TUB: variants seen among roughly 807,000 people sequenced by gnomAD.
TUB encodes the protein tubby protein homolog.
In TUB, 33 loss-of-function variants were observed where a neutral mutation model predicts 59.7. That is an observed-to-expected ratio of 0.55 (90% confidence interval 0.42 to 0.74). The LOEUF (loss-of-function observed/expected upper bound fraction) is 0.74. Among genes scored for constraint, TUB ranks in the 30% least tolerant of loss-of-function variants. The probability of loss-of-function intolerance (pLI) is 0.00; values close to 1 mark genes in which losing one functional copy is unlikely to be tolerated. For synonymous variants in TUB, 293 were observed against 256.4 expected, an observed-to-expected ratio of 1.14 and a Z score of -1.36; for missense variants, 659 against 672.0, an observed-to-expected ratio of 0.98 and a Z score of 0.21.
intron 2 of TUB, among the ~76,000 whole-genome samples, chr11:8,072,192 C>T (rs1250730468): frequency 4.6e-5 from 7 of 152,074 alleles, no homozygotes; most frequent in Non-Finnish European, 1.0e-4. Flanking sequence ...GGGTACTGCC[C>T]CACAGCCCCA....
chr11:8,049,606 C>G (rs1235224603), intron 2 of TUB, among the ~76,000 whole-genome samples: 7 of 125,786 alleles, frequency 5.6e-5, no homozygotes, highest in Non-Finnish European at 8.4e-5. Flanking sequence ...TAGATAGATA[C>G]ACACACACAT....
chr11:8,019,804 G>T (rs1049568894), intron 1 of TUB, among the ~76,000 whole-genome samples: 1 of 151,934 alleles, frequency 6.6e-6, no homozygotes, highest in East Asian at 1.9e-4. Flanking sequence ...CCCTCCGCAG[G>T]GACCGAGGCT....
chr11:8,057,623 ACCCT>A (rs1943040565), intron 2 of TUB, among the ~76,000 whole-genome samples: 2 of 93,226 alleles, frequency 2.1e-5, no homozygotes, highest in South Asian at 7.1e-4. Flanking sequence ...AGGGGTAATT[ACCCT>A]CCTTATCTTG....
intron 2 of TUB, among the ~76,000 whole-genome samples, chr11:8,073,880 C>G (rs1943400378): frequency 7.0e-6 from 1 of 143,028 alleles, no homozygotes; most frequent in Admixed American, 7.0e-5. Flanking sequence ...CAGCAAATGC[C>G]TCAGAATAGG....
chr11:8,053,456 C>T (rs564629011), intron 2 of TUB, among the ~76,000 whole-genome samples: 51 of 152,160 alleles, frequency 3.4e-4, no homozygotes, highest in African/African-American at 1.2e-3. Context: ...AGTGATTCCT[C>T]TAACTCAATA....
intron 1 of TUB, among the ~76,000 whole-genome samples, chr11:8,086,687 AC>A (rs1564915740): frequency 6.6e-6 from 1 of 151,490 alleles, no homozygotes; most frequent in Admixed American, 6.6e-5. Context: ...TTTAGTGTAG[AC>A]CCTCCTAGCT....
At chr11:8,089,809 C>T in intron 2 of TUB, 148 bp downstream of exon 2, 1 of 1,148,768 alleles carries the variant, frequency 8.7e-7, no homozygotes, top group Non-Finnish European at 1.3e-6. Flanking sequence ...CACTCTCTCC[C>T]AGCTCAGCAC....
chr11:8,072,899 A>C (rs1026111081), intron 2 of TUB, among the ~76,000 whole-genome samples: 3 of 152,240 alleles, frequency 2.0e-5, no homozygotes, highest in Non-Finnish European at 2.9e-5. Context: ...TTCAGAGTTG[A>C]GTAAACTATA....
At chr11:8,046,841 G>T (rs1395977225) in intron 2 of TUB, among the ~76,000 whole-genome samples, 1 of 152,100 alleles carries the variant, frequency 6.6e-6, no homozygotes, top group African/African-American at 2.4e-5. Flanking sequence ...TGGCTTCCTT[G>T]GGCCACATTG....
intron 3 of TUB, among the ~76,000 whole-genome samples, chr11:8,093,533 G>A (rs988570800): frequency 1.3e-5 from 2 of 152,186 alleles, no homozygotes; most frequent in Non-Finnish European, 2.9e-5. Flanking sequence ...GTTGGTGCCT[G>A]TAGCTTCTTG....
intron 2 of TUB, among the ~76,000 whole-genome samples, chr11:8,070,855 G>A (rs1022494696): frequency 1.3e-5 from 2 of 152,182 alleles, no homozygotes; most frequent in Non-Finnish European, 2.9e-5. Context: ...TGGTCTGTGA[G>A]CAAGGGAAGT....
chr11:8,095,917 T>G (rs1943973353), intron 5 of TUB, among the ~76,000 whole-genome samples: 1 of 152,206 alleles, frequency 6.6e-6, no homozygotes, highest in South Asian at 2.1e-4. Context: ...TGCAAGAAGT[T>G]TCCCATATGT....
chr11:8,098,259 G>C (rs1229933936), intron 8 of TUB, among the ~76,000 whole-genome samples: 1 of 152,126 alleles, frequency 6.6e-6, no homozygotes, highest in Non-Finnish European at 1.5e-5. Context: ...CCTCCAGGTG[G>C]GGGCAGTGGG....
rs996268632 is a variant in TUB at position 8,102,970 on chromosome 11, C to T, written c.*1351C>T. On this transcript the variant is annotated 3_prime_UTR_variant, in exon 12 of 12. Coordinates refer to ENST00000299506, the MANE Select transcript of TUB (RefSeq NM_177972.3). Reference sequence around the variant, plus strand: ...CCCCGATTCAGAGACTTAGAAGCATCAGAGTTGATAAATTAGATTGAAACC... The same window carrying T: ...CCCCGATTCAGAGACTTAGAAGCATTAGAGTTGATAAATTAGATTGAAACC... The T allele has an allele frequency of 1.3e-5, 2 of 152,212 alleles. No individual in the cohort carries two copies. The highest frequency in any genetic ancestry group is 2.9e-5 in the Non-Finnish European group (2 of 68,044). The allele number at this position is 152,212 out of a possible 1,614,324, so 9.4% of individuals were successfully genotyped here. A position where few individuals can be genotyped will look rare whatever the true frequency, so the allele number is the denominator to read the frequency against.
intron 2 of TUB, among the ~76,000 whole-genome samples, chr11:8,042,652 T>A (rs1021083748): frequency 5.3e-5 from 8 of 152,220 alleles, no homozygotes; most frequent in African/African-American, 1.9e-4. Context: ...CTAGTAAGTG[T>A]GAAGTAGTAT....
chr11:8,024,438 G>T (rs1315976558), intron 1 of TUB, among the ~76,000 whole-genome samples: 5 of 151,706 alleles, frequency 3.3e-5, no homozygotes, highest in African/African-American at 9.7e-5. Flanking sequence ...CAAACCTTCC[G>T]CACTCTCAAG....
intron 2 of TUB, among the ~76,000 whole-genome samples, chr11:8,043,654 T>G (rs1011334293): frequency 6.6e-6 from 1 of 152,218 alleles, no homozygotes; most frequent in Admixed American, 6.5e-5. Flanking sequence ...TTTAGCAGTT[T>G]ATTCCTCAGT....
At chr11:8,048,965 T>A (rs940996474) in intron 2 of TUB, among the ~76,000 whole-genome samples, 3 of 152,210 alleles carry the variant, frequency 2.0e-5, no homozygotes, top group Non-Finnish European at 4.4e-5. Context: ...CAAAGAGATA[T>A]GAGAATCCCT....
rs1429861826 is a variant in TUB at position 8,102,413 on chromosome 11, G to A, written c.*794G>A. The A allele has an allele frequency of 6.6e-6, 1 of 152,224 alleles. No individual in the cohort carries two copies. The highest frequency in any genetic ancestry group is 1.5e-5 in the Non-Finnish European group (1 of 68,042). 9.4% of individuals were successfully genotyped at this position (152,224 alleles called of 1,614,324 possible). ...GCAGAAGTGCATGAACAGGGTCCCT[G>A]GATCAGGGTTGTTCTGGGAGTCCTG... On this transcript the variant is annotated 3_prime_UTR_variant, in exon 12 of 12. Coordinates refer to ENST00000299506, the MANE Select transcript of TUB (RefSeq NM_177972.3).
Sources: gnomAD v4.1 joint callset for allele counts (sites outside exome capture counted in the v4.1 genomes callset) on GRCh38, gnomAD v4.1.1 for gene constraint, MANE v1.5 for transcripts, NCBI Gene and HGNC (gene_info 2026-07-23, HGNC 2026-07-21) for gene names.